The following MDM4 variants were observed in gnomAD, a reference collection of about 807,000 sequenced individuals.
MDM4 encodes the protein protein Mdm4.
In MDM4, 2 loss-of-function variants were observed where a neutral mutation model predicts 60.2. The ratio of observed to expected loss-of-function variants is 0.03; its 90% confidence interval spans 0.01 to 0.10. The LOEUF (loss-of-function observed/expected upper bound fraction) is 0.10, where lower values mean the gene tolerates loss of function less well. MDM4 is among the 10% of genes least tolerant of loss of function. The pLI is 1.00. For synonymous variants in MDM4, 202 were observed against 198.1 expected, an observed-to-expected ratio of 1.02 and a Z score of -0.17; for missense variants, 447 against 577.5, an observed-to-expected ratio of 0.77 and a Z score of 2.32.
At chr1:204,538,771 T>C (rs1306841382) in intron 7 of MDM4, among the ~76,000 whole-genome samples, 1 of 151,588 alleles carries the variant, frequency 6.6e-6, no homozygotes, top group Admixed American at 6.6e-5. Flanking sequence ...AGCAGTGCGA[T>C]CTCAGCTCAC....
At chr1:204,526,863 G>C (rs903629508) in intron 3 of MDM4, among the ~76,000 whole-genome samples, 1 of 152,106 alleles carries the variant, frequency 6.6e-6, no homozygotes, top group African/African-American at 2.4e-5. Flanking sequence ...GGTATCAGAG[G>C]GGCAACTTAT....
chr1:204,529,758 T>C, intron 3 of MDM4: 3 of 408,560 alleles, frequency 7.3e-6, no homozygotes, highest in Non-Finnish European at 1.3e-5. Flanking sequence ...ATTATAGTGG[T>C]TATGATGAAT....
At chr1:204,520,974 CTGTGTACT>C (rs1254134670) in intron 1 of MDM4, among the ~76,000 whole-genome samples, 2 of 152,146 alleles carry the variant, frequency 1.3e-5, no homozygotes, top group African/African-American at 4.8e-5. Flanking sequence ...ATGATTAATT[CTGTGTACT>C]TGAGGTCTAA....
chr1:204,544,480 A>C (rs1662451033), intron 8 of MDM4, 55 bp from the exon 9 acceptor site: 1 of 1,542,918 alleles, frequency 6.5e-7, no homozygotes. Context: ...TGTTGTTTCA[A>C]CATCTCTGAT....
intron 3 of MDM4, among the ~76,000 whole-genome samples, chr1:204,528,490 C>T (rs973808551): frequency 5.3e-5 from 8 of 152,194 alleles, no homozygotes; most frequent in African/African-American, 1.4e-4. Context: ...AGTGAACACT[C>T]GCCACTGGCA....
intron 3 of MDM4, among the ~76,000 whole-genome samples, chr1:204,528,692 C>T (rs188946567): frequency 8.5e-5 from 13 of 152,312 alleles, no homozygotes; most frequent in Admixed American, 7.2e-4. Flanking sequence ...TGATGCAGGA[C>T]TCTCAACCCT....
In MDM4 at chr1:204,545,891, A is replaced by T. The variant is rs140831768; in HGVS notation, c.823-906A>T. On this transcript the variant is annotated intron_variant, in intron 9 of 10. Coordinates refer to ENST00000367182, the MANE Select transcript of MDM4 (RefSeq NM_002393.5). ...TGGCCATTTGTGAGAAGGTTGCTGT[A>T]CAGAGGTTCATAATTGTTTCATAAT... 8.7e-3 allele frequency among the ~76,000 whole-genome samples: 1,319 copies of T among 152,288 alleles called. 22 individuals are homozygous for T. The highest frequency in any genetic ancestry group is 0.029 in the African/African-American group (1,196 of 41,554).
chr1:204,532,444 C>G, intron 5 of MDM4, 198 bp downstream of exon 5: 1 of 570,664 alleles, frequency 1.8e-6, no homozygotes, highest in East Asian at 3.0e-5. Context: ...GAAGGATTTC[C>G]ACTTTCTAGA....
chr1:204,547,875 C>A (rs1344893596), intron 10 of MDM4, among the ~76,000 whole-genome samples: 1 of 152,194 alleles, frequency 6.6e-6, no homozygotes, highest in Admixed American at 6.5e-5. Flanking sequence ...AGACATGTGC[C>A]ACCATGCCCA....
At chr1:204,546,314 T>C (rs1024812421) in intron 9 of MDM4, among the ~76,000 whole-genome samples, 2 of 152,132 alleles carry the variant, frequency 1.3e-5, no homozygotes, top group East Asian at 3.9e-4. Context: ...GCGATTCTCT[T>C]GTCTCAGCCC....
chr1:204,525,135 G>T (rs1311706373), intron 1 of MDM4, among the ~76,000 whole-genome samples: 1 of 152,186 alleles, frequency 6.6e-6, no homozygotes, highest in African/African-American at 2.4e-5. Flanking sequence ...CCCCAGTCTT[G>T]CATCTAGAGA....
intron 5 of MDM4, chr1:204,532,913 C>A: frequency 6.9e-7 from 1 of 1,453,508 alleles, no homozygotes; most frequent in Non-Finnish European, 9.4e-7. Context: ...AATTTTTTGC[C>A]AAGAAAGCTT....
At chr1:204,532,756 T>C (rs1558320333) in intron 5 of MDM4, 1 of 1,609,740 alleles carries the variant, frequency 6.2e-7, no homozygotes, top group South Asian at 1.1e-5. Flanking sequence ...TTCATGTCAT[T>C]TACGTGTTGA....
intron 5 of MDM4, among the ~76,000 whole-genome samples, chr1:204,534,578 C>A (rs1182974825): frequency 2.0e-5 from 3 of 152,092 alleles, no homozygotes; most frequent in Non-Finnish European, 4.4e-5. Flanking sequence ...ACCTCCGCCT[C>A]CGTGGCACAA....
At position 204,526,341 on chromosome 1, in the gene MDM4, T is replaced by C; in HGVS notation, c.79-19T>C. On this transcript the variant is annotated intron_variant, in intron 2 of 10. Transcript: ENST00000367182. ...CTACTTGAAATGTAAATAGCACATTTATTTTATGTTTATATCAGGTACGAC... is the reference window on the plus strand; with the variant it reads ...CTACTTGAAATGTAAATAGCACATTCATTTTATGTTTATATCAGGTACGAC... The C allele has an allele frequency of 6.2e-7, 1 of 1,601,162 alleles. No homozygotes were observed. The highest frequency in any genetic ancestry group is 1.7e-5 in the Admixed American group (1 of 59,672).
At chr1:204,543,256 A>G (rs1029793483) in intron 8 of MDM4, among the ~76,000 whole-genome samples, 1 of 152,202 alleles carries the variant, frequency 6.6e-6, no homozygotes, top group African/African-American at 2.4e-5. Context: ...GTCCCAGCCT[A>G]TAACACTGGG....
chr1:204,538,630 G>GTATTCT (rs147533338), intron 7 of MDM4, among the ~76,000 whole-genome samples: 2 of 151,366 alleles, frequency 1.3e-5, no homozygotes, highest in East Asian at 1.9e-4. Flanking sequence ...TTCAATCTTA[G>GTATTCT]TATTCTTGTA....
intron 3 of MDM4, chr1:204,528,987 G>A (rs563533128): frequency 2.4e-4 from 370 of 1,534,564 alleles, no homozygotes; most frequent in Non-Finnish European, 3.1e-4. Flanking sequence ...AAGCTGTCTG[G>A]CAGGATTGAC....
At position 204,532,865 on chromosome 1, in the gene MDM4, T is replaced by C. The variant is rs1188885889; in HGVS notation, c.343+619T>C. 3 of 1,589,424 alleles carry C rather than the reference T, an allele frequency of 1.9e-6. No homozygotes were observed. In the African/African-American group the frequency reaches 4.1e-5, roughly 22 times the overall value. ...AATGTGTTTCTTTACCCTCTCTATTTTTGGTAAACTGGTAGTGCTTGAATA... is the reference window on the plus strand; with the variant it reads ...AATGTGTTTCTTTACCCTCTCTATTCTTGGTAAACTGGTAGTGCTTGAATA... On this transcript the variant is annotated intron_variant, in intron 5 of 10. Coordinates refer to ENST00000367182, the MANE Select transcript of MDM4 (RefSeq NM_002393.5).
Sources: gnomAD v4.1 joint callset for allele counts (sites outside exome capture counted in the v4.1 genomes callset) on GRCh38, gnomAD v4.1.1 for gene constraint, MANE v1.5 for transcripts, NCBI Gene and HGNC (gene_info 2026-07-23, HGNC 2026-07-21) for gene names.